Variants in CCDC7 observed in about 807,000 individuals in gnomAD.
CCDC7 encodes the protein coiled-coil domain containing 7, also known as coiled-coil domain-containing protein 7.
In CCDC7, 183 loss-of-function variants were observed where a neutral mutation model predicts 196.9. The observed-to-expected ratio is 0.93, with a 90% CI of 0.82 to 1.05. The LOEUF (loss-of-function observed/expected upper bound fraction) is 1.05. Ranked by LOEUF, CCDC7 falls within the 50% of genes least tolerant of loss-of-function variation. The pLI is 0.00. For synonymous variants in CCDC7, 525 were observed against 484.6 expected, an observed-to-expected ratio of 1.08 and a Z score of -1.10; for missense variants, 1,540 against 1,482.2, an observed-to-expected ratio of 1.04 and a Z score of -0.64.
At chr10:32,842,851 CA>C (rs770907569) in intron 33 of CCDC7, among the ~76,000 whole-genome samples, 2 of 151,894 alleles carry the variant, frequency 1.3e-5, no homozygotes, top group Admixed American at 1.3e-4. Flanking sequence ...AATGGAAAAC[CA>C]AACGTTGTAT....
upstream of CCDC7, among the ~76,000 whole-genome samples, chr10:32,451,420 C>T (rs1017384040): frequency 3.3e-5 from 5 of 152,126 alleles, no homozygotes; most frequent in Non-Finnish European, 7.4e-5. Context: ...TATATTTCTT[C>T]GTTTTGTTTA....
chr10:32,518,339 T>G (rs752129819), intron 10 of CCDC7, 77 bp from the exon 12 acceptor site: 51 of 1,402,930 alleles, frequency 3.6e-5, no homozygotes, highest in Non-Finnish European at 4.6e-5. Flanking sequence ...TTTCTTACCT[T>G]AATAATTAAA....
intron 29 of CCDC7, among the ~76,000 whole-genome samples, chr10:32,797,253 ATG>A (rs2083778412): frequency 6.6e-6 from 1 of 150,978 alleles, no homozygotes; most frequent in Admixed American, 6.6e-5. Context: ...GCGTATATAT[ATG>A]TGTGTATATA....
chr10:32,558,050 T>C (rs1267885940), intron 13 of CCDC7, among the ~76,000 whole-genome samples: 2 of 152,220 alleles, frequency 1.3e-5, no homozygotes, highest in Admixed American at 1.3e-4. Context: ...ATATTTTCCT[T>C]TATGCTGGAC....
At chr10:32,562,233 T>C (rs1033194647) in intron 13 of CCDC7, among the ~76,000 whole-genome samples, 2 of 152,086 alleles carry the variant, frequency 1.3e-5, no homozygotes, top group East Asian at 1.9e-4. Flanking sequence ...CAAGGAGGAA[T>C]TGGTGCCATT....
chr10:32,748,645 C>T (rs1477272196), intron 28 of CCDC7, among the ~76,000 whole-genome samples: 6 of 152,166 alleles, frequency 3.9e-5, no homozygotes, highest in Non-Finnish European at 8.8e-5. Flanking sequence ...AGATCTCAAT[C>T]TTTTGGTGAT....
At chr10:32,618,258 C>A (rs1245506196) in intron 18 of CCDC7, among the ~76,000 whole-genome samples, 1 of 151,248 alleles carries the variant, frequency 6.6e-6, no homozygotes, top group East Asian at 1.9e-4. Context: ...AGGCTTTGTT[C>A]TTGTCATGTT....
At chr10:32,629,109 A>T in intron 18 of CCDC7, among the ~76,000 whole-genome samples, 1 of 152,222 alleles carries the variant, frequency 6.6e-6, no homozygotes, top group East Asian at 1.9e-4. Context: ...AAAGTTCTCC[A>T]CTATTATTGT....
intron 21 of CCDC7, among the ~76,000 whole-genome samples, chr10:32,674,043 C>A (rs989833040): frequency 6.6e-6 from 1 of 151,398 alleles, no homozygotes; most frequent in Non-Finnish European, 1.5e-5. Context: ...TTTTCTTTAT[C>A]TTTTCAAAAA....
At chr10:32,674,702 A>G (rs1229467149) in intron 21 of CCDC7, among the ~76,000 whole-genome samples, 1 of 152,020 alleles carries the variant, frequency 6.6e-6, no homozygotes, top group Non-Finnish European at 1.5e-5. Context: ...CTTCATACCT[A>G]TTATTACTTT....
At chr10:32,519,217 A>G (rs1212477118) in intron 11 of CCDC7, among the ~76,000 whole-genome samples, 2 of 152,178 alleles carry the variant, frequency 1.3e-5, no homozygotes, top group Admixed American at 6.5e-5. Context: ...TCCTTTAGGT[A>G]TCATGCCAAA....
chr10:32,818,498 T>G (rs1289572564), intron 31 of CCDC7, among the ~76,000 whole-genome samples: 30 of 151,630 alleles, frequency 2.0e-4, no homozygotes, highest in African/African-American at 6.3e-4. Context: ...CTAATAGACA[T>G]CTACAGAACT....
At chr10:32,763,440 A>T (rs2077765528) in intron 28 of CCDC7, among the ~76,000 whole-genome samples, 1 of 151,898 alleles carries the variant, frequency 6.6e-6, no homozygotes, top group Non-Finnish European at 1.5e-5. Flanking sequence ...TTAAAAAATT[A>T]AAAATAGAAT....
intron 15 of CCDC7, among the ~76,000 whole-genome samples, chr10:32,571,354 G>A (rs377723053): frequency 6.6e-6 from 1 of 151,970 alleles, no homozygotes; most frequent in East Asian, 1.9e-4. Flanking sequence ...ATTTGAACAT[G>A]TATTCTCAGT....
chr10:32,824,208 A>T (rs2090749425), intron 31 of CCDC7, among the ~76,000 whole-genome samples: 1 of 152,140 alleles, frequency 6.6e-6, no homozygotes, highest in Admixed American at 6.6e-5. Flanking sequence ...TGCATATGAG[A>T]TTGCATTATA....
At chr10:32,704,491 A>G (rs928212389) in intron 24 of CCDC7, among the ~76,000 whole-genome samples, 1 of 152,160 alleles carries the variant, frequency 6.6e-6, no homozygotes, top group Non-Finnish European at 1.5e-5. Context: ...GTCCATTCTC[A>G]GATCTCAAAC....
chr10:32,693,874 T>TC (rs1199820052), intron 23 of CCDC7, among the ~76,000 whole-genome samples: 1 of 151,954 alleles, frequency 6.6e-6, no homozygotes, highest in African/African-American at 2.4e-5. Context: ...GAGGGCTGGC[T>TC]CCCCCCTTGT....
At chr10:32,664,819 GGAGGTACATCCA>G in intron 21 of CCDC7, among the ~76,000 whole-genome samples, 1 of 152,090 alleles carries the variant, frequency 6.6e-6, no homozygotes, top group Middle Eastern at 3.4e-3. Context: ...CATATCCTTT[GGAGGTACATCCA>G]GAGGTGAAAT....
chr10:32,587,796 G>A (rs2059427583), intron 18 of CCDC7, among the ~76,000 whole-genome samples: 1 of 152,034 alleles, frequency 6.6e-6, no homozygotes, highest in Non-Finnish European at 1.5e-5. Flanking sequence ...GTACAATGTT[G>A]AATAACAGTG....
Sources: gnomAD v4.1 joint callset for allele counts (sites outside exome capture counted in the v4.1 genomes callset) on GRCh38, gnomAD v4.1.1 for gene constraint, MANE v1.5 for transcripts, NCBI Gene and HGNC (gene_info 2026-07-23, HGNC 2026-07-21) for gene names.